Variants in CACNA1C observed in about 807,000 individuals in gnomAD.
CACNA1C encodes the protein calcium voltage-gated channel subunit alpha1 C.
CACNA1C carries 30 observed loss-of-function variants against 229.0 expected under a neutral mutation model. The observed-to-expected ratio is 0.13, with a 90% CI of 0.10 to 0.18. The LOEUF is 0.18. CACNA1C is among the 10% of genes least tolerant of loss of function. The pLI, the probability that CACNA1C is intolerant of heterozygous loss-of-function variation, is 1.00. For missense variants in CACNA1C, 1,658 were observed against 2,845.0 expected (o/e 0.58, Z 9.49); for synonymous variants, 1,114 against 1,132.5 (o/e 0.98, Z 0.33).
At position 2,310,347 on chromosome 12, in the gene CACNA1C, A is replaced by AT. The variant is rs1449863649; in HGVS notation, c.478-138629_478-138628insT. Among the ~76,000 whole-genome samples, 387 of 140,164 alleles carry AT rather than the reference A, an allele frequency of 2.8e-3. 2 individuals carry two copies. The highest frequency in any genetic ancestry group is 0.01 in the African/African-American group (365 of 35,592). 92.0% of individuals were successfully genotyped at this position (140,164 alleles called of 152,430 possible). The stretch of plus-strand genomic sequence containing the variant: ...CCTGTCCTCTGCCTCCCAGTTAAAA[A>AT]AAAAAATATATATATATATATATAT... On this transcript the variant is annotated intron_variant, in intron 3 of 46. Coordinates refer to ENST00000399655, the MANE Select transcript of CACNA1C (RefSeq NM_000719.7).
At chr12:2,530,406 T>C (rs2099838037) in intron 9 of CACNA1C, among the ~76,000 whole-genome samples, 1 of 152,214 alleles carries the variant, frequency 6.6e-6, no homozygotes, top group Admixed American at 6.5e-5. Context: ...CATGTTGCCC[T>C]GGTACTGGTG....
chr12:2,568,439 T>C (rs2052466171), intron 13 of CACNA1C, among the ~76,000 whole-genome samples: 1 of 152,178 alleles, frequency 6.6e-6, no homozygotes. Context: ...AGGATTACCC[T>C]CTCATCCATC....
chr12:2,587,465 G>T (rs777102660), intron 18 of CACNA1C, among the ~76,000 whole-genome samples: 35 of 152,194 alleles, frequency 2.3e-4, no homozygotes, highest in Non-Finnish European at 4.6e-4. Context: ...TTTTCACACA[G>T]GCACCCAGCT....
intron 9 of CACNA1C, among the ~76,000 whole-genome samples, chr12:2,522,801 G>A (rs764656949): frequency 6.6e-6 from 1 of 152,174 alleles, no homozygotes; most frequent in Non-Finnish European, 1.5e-5. Flanking sequence ...AAGAAGGCCT[G>A]GATGGTCTCC....
intron 18 of CACNA1C, among the ~76,000 whole-genome samples, chr12:2,589,704 C>T (rs143013425): frequency 2.8e-5 from 4 of 145,138 alleles, no homozygotes; most frequent in Admixed American, 1.4e-4. Flanking sequence ...TCCCTCTGAG[C>T]GGTGTGAATA....
At chr12:2,533,943 G>A (rs1599139544) in intron 9 of CACNA1C, among the ~76,000 whole-genome samples, 1 of 152,118 alleles carries the variant, frequency 6.6e-6, no homozygotes, top group Non-Finnish European at 1.5e-5. Flanking sequence ...CCTAATGAAC[G>A]AGCAAAGAAC....
intron 3 of CACNA1C, among the ~76,000 whole-genome samples, chr12:2,310,348 A>ATATATATAT (rs1555425781): frequency 7.4e-6 from 1 of 135,212 alleles, no homozygotes; most frequent in Non-Finnish European, 1.6e-5. Context: ...CAGTTAAAAA[A>ATATATATAT]AAAAATATAT....
intron 29 of CACNA1C, among the ~76,000 whole-genome samples, chr12:2,623,745 G>GGCCA (rs1278924573): frequency 6.6e-6 from 1 of 152,202 alleles, no homozygotes; most frequent in Non-Finnish European, 1.5e-5. Flanking sequence ...GCCAACGGAA[G>GGCCA]ACAAGACAGG....
At chr12:2,526,426 C>T (rs1397679509) in intron 9 of CACNA1C, among the ~76,000 whole-genome samples, 1 of 152,252 alleles carries the variant, frequency 6.6e-6, no homozygotes, top group Admixed American at 6.5e-5. Flanking sequence ...TCAACACTGT[C>T]TCTGGAAAAA....
intron 3 of CACNA1C, among the ~76,000 whole-genome samples, chr12:2,423,113 G>A (rs1180761625): frequency 1.3e-5 from 2 of 152,062 alleles, no homozygotes; most frequent in African/African-American, 4.8e-5. Flanking sequence ...GATAACATCC[G>A]AGCTCCCTTC....
At position 2,677,585 on chromosome 12, in the gene CACNA1C, A is replaced by G. The variant is rs867814651; in HGVS notation, c.4957-148A>G. Reference sequence around the variant, plus strand: ...CAGAGGGCAGCCCAGCCCCCAGTTCACACACACACAAACCTTCCGGAGGGT... The same window carrying G: ...CAGAGGGCAGCCCAGCCCCCAGTTCGCACACACACAAACCTTCCGGAGGGT... On this transcript the variant is annotated intron_variant, in intron 40 of 46. Transcript: ENST00000399655. The surrounding 1 kb of genome is among the most constrained non-coding windows in gnomAD (Gnocchi z 7.4). 3 of 844,006 alleles carry G rather than the reference A, an allele frequency of 3.6e-6. No homozygotes were observed. In the African/African-American group the frequency reaches 5.0e-5, roughly 14 times the overall value. The allele number at this position is 844,006 out of a possible 1,614,324, so 52.3% of individuals were successfully genotyped here. A position where few individuals can be genotyped will look rare whatever the true frequency, so the allele number is the denominator to read the frequency against.
intron 3 of CACNA1C, among the ~76,000 whole-genome samples, chr12:2,343,672 G>A (rs183487314): frequency 6.6e-6 from 1 of 152,202 alleles, no homozygotes; most frequent in Non-Finnish European, 1.5e-5. Context: ...CAGTAAGAGT[G>A]GGGGCTGGGA....
intron 34 of CACNA1C, among the ~76,000 whole-genome samples, chr12:2,658,313 T>A (rs1056192645): frequency 6.6e-6 from 1 of 152,208 alleles, no homozygotes; most frequent in Non-Finnish European, 1.5e-5. Flanking sequence ...AATTTGGCAC[T>A]CTTCTTAGTA....
intron 1 of CACNA1C, among the ~76,000 whole-genome samples, chr12:2,107,754 GA>G (rs2079731030): frequency 6.6e-6 from 1 of 152,206 alleles, no homozygotes; most frequent in African/African-American, 2.4e-5. Flanking sequence ...TTCTTGATCA[GA>G]AAATCCACCC....
intron 9 of CACNA1C, among the ~76,000 whole-genome samples, chr12:2,526,377 G>C (rs964578307): frequency 6.6e-6 from 1 of 152,216 alleles, no homozygotes; most frequent in Non-Finnish European, 1.5e-5. Context: ...AGCTGACAGT[G>C]CTCCCGGATT....
chr12:2,658,168 C>T (rs2095520432), intron 34 of CACNA1C, among the ~76,000 whole-genome samples: 1 of 152,036 alleles, frequency 6.6e-6, no homozygotes, highest in Non-Finnish European at 1.5e-5. Flanking sequence ...TTTTAAACAC[C>T]TCAGAAACAT....
rs1453783692 is a variant in CACNA1C, at chr12:2,597,321, TC to T, written c.2853+37del. ...CCCCCATCCCCTTCTGCTCCTCCTG[TC>T]CCCCTTGTGCCAGCACCAGGTCTCT... On this transcript the variant is annotated intron_variant, in intron 21 of 46. Coordinates refer to ENST00000399655, the MANE Select transcript of CACNA1C (RefSeq NM_000719.7). The surrounding 1 kb of genome is among the most constrained non-coding windows in gnomAD (Gnocchi z 4.3). 2.6e-6 allele frequency: 4 copies of T among 1,563,292 alleles called. No homozygotes were observed. The highest frequency in any genetic ancestry group is 3.5e-6 in the Non-Finnish European group (4 of 1,134,002).
chr12:2,083,548 T>C (rs1256579420), intron 1 of CACNA1C, among the ~76,000 whole-genome samples: 1 of 152,238 alleles, frequency 6.6e-6, no homozygotes, highest in Non-Finnish European at 1.5e-5. Context: ...GGTTGTGCTC[T>C]TGGGAGAGTC....
intron 9 of CACNA1C, among the ~76,000 whole-genome samples, chr12:2,549,462 T>C (rs529851882): frequency 5.8e-4 from 89 of 152,300 alleles, no homozygotes; most frequent in African/African-American, 1.9e-3. Flanking sequence ...CTCATCAAGG[T>C]AGCAAGCACG....
Sources: allele counts gnomAD v4.1 joint callset (sites outside exome capture counted in the v4.1 genomes callset), GRCh38; gene constraint gnomAD v4.1.1; non-coding constraint Gnocchi (gnomAD v3.1); transcripts MANE v1.5; gene names NCBI Gene and HGNC (gene_info 2026-07-23, HGNC 2026-07-21).